PCDHGA7: variants seen among roughly 807,000 people sequenced by gnomAD.
PCDHGA7 encodes protocadherin gamma-A7.
A neutral mutation model predicts 58.3 loss-of-function variants in PCDHGA7; 44 were observed. That is an observed-to-expected ratio of 0.75 (90% CI 0.59 to 0.97). PCDHGA7 has a LOEUF of 0.97. Among genes scored for constraint, PCDHGA7 ranks in the 50% least tolerant of loss-of-function variants. The pLI, the probability that PCDHGA7 is intolerant of heterozygous loss-of-function variation, is 0.00. For missense variants in PCDHGA7, 1,266 were observed against 1,188.7 expected (o/e 1.06, Z -0.96); for synonymous variants, 516 against 504.2 (o/e 1.02, Z -0.31).
chr5:141,491,311 A>G lies in PCDHGA7; in HGVS notation c.2425-3496A>G. On this transcript the variant is annotated intron_variant, in intron 1 of 3. Transcript: ENST00000518325. This position sits in a 1 kb window ranked among gnomAD's most constrained non-coding sequence, Gnocchi z 6.9. The stretch of plus-strand genomic sequence containing the variant: ...ACACCCTCCTGAGCGTTCAGACCTT[A>G]CCCTTTACCTCATTGTGGCTCTAGC... 1 of 1,613,932 alleles carries G rather than the reference A, an allele frequency of 6.2e-7. No homozygotes were observed. Among genetic ancestry groups the G allele is most frequent in the Non-Finnish European group, 8.5e-7 (1 of 1,179,940 alleles).
chr5:141,423,447 T>C (rs1347619382), intron 1 of PCDHGA7: 1 of 1,613,880 alleles, frequency 6.2e-7, no homozygotes, highest in Admixed American at 1.7e-5. Context: ...CCACGTCACA[T>C]TTTGTAGGCG....
At chr5:141,494,215 G>T (rs984086536) in intron 1 of PCDHGA7, among the ~76,000 whole-genome samples, 2 of 152,200 alleles carry the variant, frequency 1.3e-5, no homozygotes, top group Non-Finnish European at 2.9e-5. Context: ...GCCCAATCTG[G>T]CATGACTCCT....
chr5:141,389,726 C>T (rs150721796), intron 1 of PCDHGA7: 77,154 of 1,612,710 alleles, frequency 0.048, 2,225 homozygotes, highest in Non-Finnish European at 0.054. Context: ...AGCCCGGGCT[C>T]TTCAGCCTGG....
rs2099749948 is a variant in PCDHGA7 at position 141,493,762 on chromosome 5, C to T, written c.2425-1045C>T. Among the ~76,000 whole-genome samples the T allele has an allele frequency of 1.3e-5, 2 of 152,130 alleles. No homozygotes were observed. Among genetic ancestry groups the T allele is most frequent in the South Asian group, 4.1e-4 (2 of 4,830 alleles). Reference sequence around the variant, plus strand: ...TGCCACCTGTGAGCCTTGAGTGAGCCACTGGCAGTTCCGGAGCTTCCTTCT... The same window carrying T: ...TGCCACCTGTGAGCCTTGAGTGAGCTACTGGCAGTTCCGGAGCTTCCTTCT... On this transcript the variant is annotated intron_variant, in intron 1 of 3. Transcript: ENST00000518325. The surrounding 1 kb of genome is among the most constrained non-coding windows in gnomAD (Gnocchi z 4.3).
intron 1 of PCDHGA7, chr5:141,408,475 CCGT>C: frequency 6.2e-7 from 1 of 1,614,032 alleles, no homozygotes; most frequent in Non-Finnish European, 8.5e-7. Context: ...ACCGAATAGA[CCGT>C]GAGCAAATAT....
rs1485715812 is a variant in PCDHGA7, at chr5:141,485,804, G to T, written c.2425-9003G>T. The T allele has an allele frequency of 6.2e-7, 1 of 1,614,218 alleles. No individual in the cohort carries two copies. The highest frequency in any genetic ancestry group is 1.7e-5 in the Admixed American group (1 of 60,026). ...AGAGAAGCAATCGGACTACCGCCTG[G>T]TGCTGACTGCTGTCGATGGAGGGAA... On this transcript the variant is annotated intron_variant, in intron 1 of 3. Coordinates refer to ENST00000518325, the MANE Select transcript of PCDHGA7 (RefSeq NM_018920.4). This position sits in a 1 kb window ranked among gnomAD's most constrained non-coding sequence, Gnocchi z 5.7.
At chr5:141,414,435 C>G (rs891322256) in intron 1 of PCDHGA7, 2 of 1,613,678 alleles carry the variant, frequency 1.2e-6, no homozygotes, top group African/African-American at 1.3e-5. Context: ...AACAGGTATC[C>G]TCTTACAATA....
At chr5:141,393,230 A>G (rs2092708331) in intron 1 of PCDHGA7, 1 of 1,613,764 alleles carries the variant, frequency 6.2e-7, no homozygotes, top group Non-Finnish European at 8.5e-7. Context: ...AAGATCTAGA[A>G]GTAAAAATTA....
chr5:141,505,803 C>A (rs920849273), intron 3 of PCDHGA7, among the ~76,000 whole-genome samples: 2 of 152,234 alleles, frequency 1.3e-5, no homozygotes, highest in African/African-American at 4.8e-5. Flanking sequence ...GGACTTGGAT[C>A]GACTTGCTCA....
chr5:141,487,452 T>A lies in PCDHGA7; in HGVS notation c.2425-7355T>A, dbSNP rs778695562. 40 of 1,614,046 alleles carry A rather than the reference T, an allele frequency of 2.5e-5. No homozygotes were observed. The highest frequency in any genetic ancestry group is 3.4e-5 in the Non-Finnish European group (40 of 1,180,004). On this transcript the variant is annotated intron_variant, in intron 1 of 3. Coordinates refer to ENST00000518325, the MANE Select transcript of PCDHGA7 (RefSeq NM_018920.4). This position sits in a 1 kb window ranked among gnomAD's most constrained non-coding sequence, Gnocchi z 5.0. ...ATCCAGCTAGGGTCAGATGACCCTA[T>A]CAAGTTTGTTGATGTGGGAGGCCAC... is the stretch of plus-strand genomic sequence containing the variant.
intron 1 of PCDHGA7, 48 bp from the exon 2 acceptor site, chr5:141,494,759 C>CT: frequency 6.2e-7 from 1 of 1,613,886 alleles, no homozygotes; most frequent in Non-Finnish European, 8.5e-7. Flanking sequence ...GGGTGACATT[C>CT]TAACTTCTCA....
In PCDHGA7 at chr5:141,427,784, G is replaced by A. The variant is rs750188824; in HGVS notation, c.2424+42461G>A. 6.8e-6 allele frequency: 10 copies of A among 1,470,180 alleles called. No homozygotes were observed. The Admixed American group carries it at 1.3e-4, about 20-fold the overall frequency. 91.1% of individuals were successfully genotyped at this position (1,470,180 alleles called of 1,614,324 possible). Reference sequence around the variant, plus strand: ...CTGACTTGGAGCTGCGGGCACTGTCGTCCTACGTGTCCGTGAGCGCACAGA... The same window carrying A: ...CTGACTTGGAGCTGCGGGCACTGTCATCCTACGTGTCCGTGAGCGCACAGA... On this transcript the variant is annotated intron_variant, in intron 1 of 3. Coordinates refer to ENST00000518325, the MANE Select transcript of PCDHGA7 (RefSeq NM_018920.4).
At position 141,431,510 on chromosome 5, in the gene PCDHGA7, G is replaced by T; in HGVS notation, c.2424+46187G>T. On this transcript the variant is annotated intron_variant, in intron 1 of 3. Transcript: ENST00000518325. The surrounding 1 kb of genome is among the most constrained non-coding windows in gnomAD (Gnocchi z 4.8). ...TGCTCAGCCCGAGTACCGCGCGAGC[G>T]TTCCGGAGAATCTGGCCTTGGGCAC... 1 of 1,614,022 alleles carries T rather than the reference G, an allele frequency of 6.2e-7. No individual in the cohort carries two copies. Among genetic ancestry groups the T allele is most frequent in the Non-Finnish European group, 8.5e-7 (1 of 1,180,026 alleles).
intron 1 of PCDHGA7, among the ~76,000 whole-genome samples, chr5:141,448,516 A>T (rs1210489939): frequency 3.9e-5 from 6 of 152,152 alleles, no homozygotes; most frequent in Non-Finnish European, 8.8e-5. Flanking sequence ...TTATAACTTT[A>T]TTAAGCATCC....
intron 1 of PCDHGA7, chr5:141,408,283 C>A: frequency 6.2e-7 from 1 of 1,612,756 alleles, no homozygotes; most frequent in Non-Finnish European, 8.5e-7. Context: ...TGTTCTACCC[C>A]ACCCTGAGTG....
At chr5:141,400,301 C>T in intron 1 of PCDHGA7, 3 of 1,614,084 alleles carry the variant, frequency 1.9e-6, no homozygotes, top group Non-Finnish European at 2.5e-6. Flanking sequence ...TGCTTCCAAC[C>T]TGGTCTCTGT....
Position 141,476,364 on chromosome 5 carries a change from C to T in PCDHGA7, c.2425-18443C>T, listed in dbSNP as rs1462808655. The T allele has an allele frequency of 6.2e-7, 1 of 1,614,036 alleles. No homozygotes were observed. The highest frequency in any genetic ancestry group is 8.5e-7 in the Non-Finnish European group (1 of 1,180,026). Reference sequence around the variant, plus strand: ...AGATTCTTTGAGGTGAACCGGGAGACCGGAGAGATGTTTGTGAACGACCGT... The same window carrying T: ...AGATTCTTTGAGGTGAACCGGGAGATCGGAGAGATGTTTGTGAACGACCGT... On this transcript the variant is annotated intron_variant, in intron 1 of 3. Coordinates refer to ENST00000518325, the MANE Select transcript of PCDHGA7 (RefSeq NM_018920.4). This position sits in a 1 kb window ranked among gnomAD's most constrained non-coding sequence, Gnocchi z 7.6.
At chr5:141,386,096 G>C (rs1029162742) in intron 1 of PCDHGA7, 7 of 152,214 alleles carry the variant, frequency 4.6e-5, no homozygotes, top group African/African-American at 1.7e-4. Flanking sequence ...CAGATGAAGT[G>C]TGTCTGTGGG....
chr5:141,430,997 C>G, intron 1 of PCDHGA7: 1 of 1,613,926 alleles, frequency 6.2e-7, no homozygotes. Context: ...CCTGAATCCG[C>G]GCAGCGGCAG....
Sources: gnomAD v4.1 joint callset for allele counts (sites outside exome capture counted in the v4.1 genomes callset) on GRCh38, gnomAD v4.1.1 for gene constraint, Gnocchi (gnomAD v3.1) non-coding constraint, MANE v1.5 for transcripts, NCBI Gene and HGNC (gene_info 2026-07-23, HGNC 2026-07-21) for gene names.